TRDN: variants seen among roughly 807,000 people sequenced by gnomAD.
The protein encoded by TRDN is triadin in skeletal muscle.
Under a neutral mutation model 149.7 loss-of-function variants are expected in TRDN, and 161 were observed. That is an observed-to-expected ratio of 1.08 (90% CI 0.95 to 1.23). The LOEUF is 1.23. Ranked by LOEUF, TRDN falls within the 50% of genes most tolerant of loss-of-function variation. The pLI, the probability that TRDN is intolerant of heterozygous loss-of-function variation, is 0.00. For synonymous variants in TRDN, 294 were observed against 250.5 expected (o/e 1.17, Z -1.64); for missense variants, 896 against 823.5 (o/e 1.09, Z -1.08).
intron 4 of TRDN, among the ~76,000 whole-genome samples, chr6:123,534,835 A>C (rs9398734): frequency 0.67 from 101,027 of 151,596 alleles, 34,152 homozygotes; most frequent in East Asian, 0.88. Flanking sequence ...TTACTTAAAC[A>C]TCATGACACC....
intron 21 of TRDN, among the ~76,000 whole-genome samples, chr6:123,345,898 G>A (rs962680403): frequency 5.9e-5 from 9 of 151,704 alleles, no homozygotes; most frequent in African/African-American, 1.7e-4. Flanking sequence ...TTAACTTTGC[G>A]CCCTGAAACC....
In TRDN at chr6:123,378,818, C is replaced by T. The variant is rs77368831; in HGVS notation, c.1187-920G>A. Among the ~76,000 whole-genome samples, 450 of 152,190 alleles carry T rather than the reference C, an allele frequency of 3.0e-3. 12 individuals carry two copies. The East Asian group carries it at 0.074, about 25-fold the overall frequency. ...TGCCTTGCTTTTAGGACAAATGCTC[C>T]TTTTGGAGTCCTCTTTATATAGCGT... On this transcript the variant is annotated intron_variant, in intron 16 of 40. Coordinates refer to ENST00000334268, the MANE Select transcript of TRDN (RefSeq NM_006073.4).
At chr6:123,574,849 TATATATAC>T (rs1192849277) in intron 1 of TRDN, among the ~76,000 whole-genome samples, 908 of 34,130 alleles carry the variant, frequency 0.027, 9 homozygotes, top group East Asian at 0.055. Context: ...AACATGAATT[TATATATAC>T]ATATATATAT....
At chr6:123,312,414 T>A (rs1287393970) in intron 24 of TRDN, among the ~76,000 whole-genome samples, 1 of 151,938 alleles carries the variant, frequency 6.6e-6, no homozygotes, top group Non-Finnish European at 1.5e-5. Context: ...ATAAGTATCA[T>A]CATAGTAAAT....
chr6:123,519,512 TG>T (rs1779573156), intron 5 of TRDN, among the ~76,000 whole-genome samples: 1 of 145,486 alleles, frequency 6.9e-6, no homozygotes, highest in Non-Finnish European at 1.5e-5. Flanking sequence ...AACACTCCCT[TG>T]GGGTCAAATC....
At chr6:123,426,623 C>T (rs1774128747) in intron 12 of TRDN, among the ~76,000 whole-genome samples, 1 of 152,132 alleles carries the variant, frequency 6.6e-6, no homozygotes, top group Non-Finnish European at 1.5e-5. Context: ...CATATATTTT[C>T]ACCTCTACAT....
chr6:123,277,466 G>A (rs1225251765), intron 26 of TRDN, among the ~76,000 whole-genome samples: 2 of 152,130 alleles, frequency 1.3e-5, no homozygotes, highest in Non-Finnish European at 2.9e-5. Flanking sequence ...TTTGTAAATA[G>A]GGTTATTGCA....
intron 1 of TRDN, among the ~76,000 whole-genome samples, chr6:123,617,283 A>G (rs1785143227): frequency 1.3e-5 from 2 of 152,292 alleles, no homozygotes; most frequent in Middle Eastern, 6.8e-3. Flanking sequence ...TAAAATGCAG[A>G]TAATATGTAT....
At chr6:123,219,719 T>C (rs1415634024) in intron 40 of TRDN, among the ~76,000 whole-genome samples, 1 of 151,826 alleles carries the variant, frequency 6.6e-6, no homozygotes, top group Non-Finnish European at 1.5e-5. Flanking sequence ...TTCCAATGCA[T>C]CTCATCTGGA....
chr6:123,287,673 T>TG (rs1240046862), intron 24 of TRDN, among the ~76,000 whole-genome samples: 14 of 152,140 alleles, frequency 9.2e-5, no homozygotes, highest in African/African-American at 3.1e-4. Context: ...GTGTTGATCA[T>TG]GGTATGTCAA....
intron 23 of TRDN, among the ~76,000 whole-genome samples, chr6:123,329,955 G>A (rs960327620): frequency 3.3e-5 from 5 of 152,018 alleles, no homozygotes; most frequent in African/African-American, 1.2e-4. Flanking sequence ...TTTAGCTAAT[G>A]CATCTTCTTC....
At chr6:123,341,973 G>C (rs963149498) in intron 21 of TRDN, among the ~76,000 whole-genome samples, 6 of 151,870 alleles carry the variant, frequency 4.0e-5, no homozygotes, top group African/African-American at 1.4e-4. Context: ...CCTTAGCTGA[G>C]GGGCTTCTCT....
At chr6:123,553,274 G>C (rs913932433) in intron 2 of TRDN, among the ~76,000 whole-genome samples, 2 of 152,072 alleles carry the variant, frequency 1.3e-5, no homozygotes, top group African/African-American at 4.8e-5. Context: ...GATGCACTTA[G>C]CACCTAAACT....
rs371792017 is a variant in TRDN at position 123,420,274 on chromosome 6, G to T, written c.1051+17789C>A. 9.2e-5 allele frequency among the ~76,000 whole-genome samples: 14 copies of T among 152,146 alleles called. 1 individual carries two copies. The highest frequency in any genetic ancestry group is 1.9e-4 in the Non-Finnish European group (13 of 67,996). On this transcript the variant is annotated intron_variant, in intron 12 of 40. Coordinates refer to ENST00000334268, the MANE Select transcript of TRDN (RefSeq NM_006073.4). ...AAACAAATGACTTTCATAAAGTTTAGAAATGACTGTCCTCTGACATGCACT... is the reference window on the plus strand; with the variant it reads ...AAACAAATGACTTTCATAAAGTTTATAAATGACTGTCCTCTGACATGCACT...
At chr6:123,618,295 A>G (rs1018982169) in intron 1 of TRDN, among the ~76,000 whole-genome samples, 2 of 152,130 alleles carry the variant, frequency 1.3e-5, no homozygotes, top group African/African-American at 2.4e-5. Context: ...TCTAGAGAGA[A>G]TCCATCTCCT....
chr6:123,267,902 TA>T (rs1054795510), intron 31 of TRDN, among the ~76,000 whole-genome samples, 151 bp from the exon 32 acceptor site: 89 of 152,094 alleles, frequency 5.9e-4, no homozygotes, highest in African/African-American at 2.0e-3. Flanking sequence ...CATATTGCCA[TA>T]AAAAAATTAT....
intron 12 of TRDN, among the ~76,000 whole-genome samples, chr6:123,435,587 G>T (rs563730605): frequency 6.7e-6 from 1 of 148,330 alleles, no homozygotes; most frequent in South Asian, 2.1e-4. Flanking sequence ...GTATTTGGGG[G>T]TTGAGGGATT....
chr6:123,476,103 A>T (rs1207180478), intron 9 of TRDN, among the ~76,000 whole-genome samples: 2 of 135,020 alleles, frequency 1.5e-5, no homozygotes, highest in African/African-American at 5.6e-5. Context: ...CAATTAGGAA[A>T]AGAGGAAGTG....
intron 24 of TRDN, among the ~76,000 whole-genome samples, chr6:123,301,148 G>A (rs546222168): frequency 1.3e-4 from 19 of 151,868 alleles, no homozygotes; most frequent in African/African-American, 2.7e-4. Flanking sequence ...TCAAAATAGC[G>A]CACAATTTCA....
Sources: gnomAD v4.1 joint callset for allele counts (sites outside exome capture counted in the v4.1 genomes callset) on GRCh38, gnomAD v4.1.1 for gene constraint, MANE v1.5 for transcripts, NCBI Gene and HGNC (gene_info 2026-07-23, HGNC 2026-07-21) for gene names.